The following CTDSPL2 variants were observed in gnomAD, a reference collection of about 807,000 sequenced individuals.
The protein encoded by CTDSPL2 is CTD small phosphatase-like protein 2.
A neutral mutation model predicts 60.0 loss-of-function variants in CTDSPL2; 5 were observed. The observed-to-expected ratio is 0.08, with a 90% CI of 0.04 to 0.18. CTDSPL2 has a LOEUF of 0.18. CTDSPL2 is among the 10% of genes least tolerant of loss of function. The probability of loss-of-function intolerance (pLI) is 1.00; values close to 1 mark genes in which losing one functional copy is unlikely to be tolerated. For missense variants in CTDSPL2, 370 were observed against 548.8 expected, an observed-to-expected ratio of 0.67 and a Z score of 3.26; for synonymous variants, 186 against 189.3, an observed-to-expected ratio of 0.98 and a Z score of 0.14.
At chr15:44,455,343 A>G (rs1308863163) in intron 1 of CTDSPL2, among the ~76,000 whole-genome samples, 1 of 152,192 alleles carries the variant, frequency 6.6e-6, no homozygotes, top group Admixed American at 6.5e-5. Context: ...GGTTTCCTAA[A>G]TATACAATCA....
intron 2 of CTDSPL2, among the ~76,000 whole-genome samples, chr15:44,460,350 C>T (rs2080541578): frequency 6.6e-6 from 1 of 152,200 alleles, no homozygotes; most frequent in South Asian, 2.1e-4. Context: ...CCTTGTGATT[C>T]GTCCGCCTCG....
intron 1 of CTDSPL2, among the ~76,000 whole-genome samples, chr15:44,440,223 T>C (rs1340735931): frequency 2.0e-5 from 3 of 148,978 alleles, no homozygotes; most frequent in Non-Finnish European, 4.4e-5. Flanking sequence ...TGAGATGGAG[T>C]CTTGCTCTGT....
Position 44,514,654 on chromosome 15 carries a change from G to C in CTDSPL2, c.1026G>C (p.Met342Ile). The C allele has an allele frequency of 1.2e-6, 2 of 1,605,120 alleles. No individual in the cohort carries two copies. The highest frequency in any genetic ancestry group is 1.7e-6 in the Non-Finnish European group (2 of 1,172,094). The change falls in exon 9 of 13, where the codon ATG becomes ATC. Residue 342 changes from methionine (M) to isoleucine (I), a missense_variant. By Grantham distance (10) the Met-to-Ile change is conservative (BLOSUM62 1). Coordinates refer to ENST00000260327, the MANE Select transcript of CTDSPL2 (RefSeq NM_016396.3). Reference protein sequence around the residue: ...FREFLERMSQMYEIILFTASK... With the variant: ...FREFLERMSQIYEIILFTASK... ...AATTCCTGGAACGAATGTCTCAGAT[G>C]TATGAGGTAAACATGCTTAAGCTAA...
At chr15:44,513,365 G>T (rs1048760041) in intron 8 of CTDSPL2, among the ~76,000 whole-genome samples, 1 of 152,080 alleles carries the variant, frequency 6.6e-6, no homozygotes, top group African/African-American at 2.4e-5. Context: ...TACTCCGGAG[G>T]CTGAGGCAGG....
chr15:44,488,367 G>A (rs2081157518), intron 4 of CTDSPL2, among the ~76,000 whole-genome samples: 1 of 152,104 alleles, frequency 6.6e-6, no homozygotes, highest in Non-Finnish European at 1.5e-5. Flanking sequence ...ATAGAAAATA[G>A]ACACATTTTT....
intron 10 of CTDSPL2, among the ~76,000 whole-genome samples, chr15:44,516,207 A>T (rs1308649733): frequency 6.6e-6 from 1 of 151,742 alleles, no homozygotes; most frequent in Admixed American, 6.6e-5. Flanking sequence ...ACCTCAAGTG[A>T]TCCACCCACT....
chr15:44,448,148 C>T (rs767724701), intron 1 of CTDSPL2: 21 of 259,114 alleles, frequency 8.1e-5, no homozygotes, highest in Non-Finnish European at 1.7e-4. Context: ...ACACCAGAGC[C>T]CATGTGCTCA....
chr15:44,493,326 C>G (rs137860193), intron 5 of CTDSPL2, among the ~76,000 whole-genome samples: 3 of 152,036 alleles, frequency 2.0e-5, no homozygotes, highest in African/African-American at 4.8e-5. Context: ...GAGAACATAG[C>G]CAAAGAGAAC....
intron 10 of CTDSPL2, among the ~76,000 whole-genome samples, chr15:44,516,251 A>C (rs2412884): frequency 0.018 from 2,792 of 152,216 alleles, 76 homozygotes; most frequent in East Asian, 0.087. Flanking sequence ...TACAGGCGTG[A>C]GCCACTGCAC....
At chr15:44,508,921 A>C (rs1215743908) in intron 8 of CTDSPL2, among the ~76,000 whole-genome samples, 3 of 152,182 alleles carry the variant, frequency 2.0e-5, no homozygotes, top group Non-Finnish European at 4.4e-5. Context: ...CCATCTCAAA[A>C]AATAAAAAAA....
At chr15:44,502,789 A>G (rs35241800) in intron 8 of CTDSPL2, among the ~76,000 whole-genome samples, 1 of 152,226 alleles carries the variant, frequency 6.6e-6, no homozygotes, top group African/African-American at 2.4e-5. Flanking sequence ...AATTAGATCC[A>G]CAGTAATCTG....
chr15:44,440,187 G>GTTTGTT (rs1349286497), intron 1 of CTDSPL2, among the ~76,000 whole-genome samples: 4 of 148,808 alleles, frequency 2.7e-5, no homozygotes, highest in African/African-American at 1.0e-4. Context: ...TTTTTTGTTT[G>GTTTGTT]TTTGTTTTTG....
chr15:44,508,547 T>C (rs1439347745), intron 8 of CTDSPL2, among the ~76,000 whole-genome samples: 7 of 152,214 alleles, frequency 4.6e-5, no homozygotes. Flanking sequence ...CTTGGATTCA[T>C]CATTTTTTAA....
chr15:44,517,753 T>G (rs1312339965), intron 10 of CTDSPL2, among the ~76,000 whole-genome samples: 3 of 152,244 alleles, frequency 2.0e-5, no homozygotes, highest in Admixed American at 6.5e-5. Context: ...TGAAGAGGCA[T>G]CAACAGTGAC....
chr15:44,445,662 G>A (rs1241290924), intron 1 of CTDSPL2, among the ~76,000 whole-genome samples: 1 of 150,904 alleles, frequency 6.6e-6, no homozygotes, highest in Non-Finnish European at 1.5e-5. Context: ...TTTTGAGATG[G>A]AGTCTCGCAC....
intron 8 of CTDSPL2, among the ~76,000 whole-genome samples, chr15:44,507,040 T>G (rs2081480421): frequency 6.6e-6 from 1 of 151,712 alleles, no homozygotes; most frequent in African/African-American, 2.4e-5. Context: ...GTGCTGAGAT[T>G]ACAGGCGTGA....
chr15:44,497,663 C>T (rs887622302), intron 7 of CTDSPL2, among the ~76,000 whole-genome samples: 1 of 152,164 alleles, frequency 6.6e-6, no homozygotes, highest in African/African-American at 2.4e-5. Context: ...AGCCACTGAG[C>T]CCGGCCCCAG....
intron 1 of CTDSPL2, among the ~76,000 whole-genome samples, chr15:44,443,214 A>G (rs138148063): frequency 1.3e-5 from 2 of 152,338 alleles, no homozygotes; most frequent in East Asian, 3.9e-4. Flanking sequence ...ACAGTCTTCA[A>G]CGTTCATAAT....
At chr15:44,514,888 C>T (rs967977931) in intron 10 of CTDSPL2, 44 bp downstream of exon 10, 1 of 1,113,998 alleles carries the variant, frequency 9.0e-7, no homozygotes, top group African/African-American at 1.6e-5. Context: ...TCACACTGAT[C>T]TATGAAATTA....
Sources: allele counts gnomAD v4.1 joint callset (sites outside exome capture counted in the v4.1 genomes callset), GRCh38; gene constraint gnomAD v4.1.1; transcripts MANE v1.5; gene names NCBI Gene and HGNC (gene_info 2026-07-23, HGNC 2026-07-21).